The following SMAP1 variants were observed in gnomAD, a reference collection of about 807,000 sequenced individuals.
SMAP1 encodes the protein small ArfGAP 1.
Under a neutral mutation model 58.5 loss-of-function variants are expected in SMAP1, and 24 were observed. That is an observed-to-expected ratio of 0.41 (90% CI 0.30 to 0.58). SMAP1 has a LOEUF of 0.58. SMAP1 is among the 20% of genes least tolerant of loss of function. The pLI, the probability that SMAP1 is intolerant of heterozygous loss-of-function variation, is 0.29. For synonymous variants in SMAP1, 216 were observed against 196.6 expected (o/e 1.10, Z -0.82); for missense variants, 563 against 566.3 (o/e 0.99, Z 0.06).
intron 1 of SMAP1, among the ~76,000 whole-genome samples, chr6:70,687,766 A>G (rs1004574293): frequency 6.6e-6 from 1 of 152,158 alleles, no homozygotes; most frequent in Non-Finnish European, 1.5e-5. Context: ...TGTTGATACA[A>G]CCCACCAATC....
intron 1 of SMAP1, among the ~76,000 whole-genome samples, chr6:70,691,583 C>G (rs1313740691): frequency 2.6e-5 from 4 of 152,154 alleles, no homozygotes; most frequent in Non-Finnish European, 5.9e-5. Context: ...TTAACCATCT[C>G]AATTCTGTGG....
intron 3 of SMAP1, among the ~76,000 whole-genome samples, chr6:70,763,106 C>CTTT (rs35936929): frequency 1.9e-4 from 16 of 84,466 alleles, no homozygotes; most frequent in East Asian, 7.3e-4. Context: ...ACAGATATTA[C>CTTT]TTTTTTTTTT....
chr6:70,683,935 C>G (rs1043773663), intron 1 of SMAP1, among the ~76,000 whole-genome samples: 2 of 152,136 alleles, frequency 1.3e-5, no homozygotes, highest in Non-Finnish European at 2.9e-5. Flanking sequence ...TAATGTGTTA[C>G]CCTTGACCTT....
chr6:70,748,218 A>G (rs1234036172), intron 2 of SMAP1, among the ~76,000 whole-genome samples: 2 of 152,210 alleles, frequency 1.3e-5, no homozygotes, highest in Non-Finnish European at 2.9e-5. Context: ...AGTTACTGCC[A>G]TGAAGAATTT....
chr6:70,739,739 C>T (rs1031868094), intron 2 of SMAP1, among the ~76,000 whole-genome samples: 4 of 151,948 alleles, frequency 2.6e-5, no homozygotes, highest in Non-Finnish European at 5.9e-5. Context: ...TACCTAATGG[C>T]AATATTTATC....
intron 2 of SMAP1, among the ~76,000 whole-genome samples, chr6:70,753,940 G>A (rs1213717452): frequency 2.0e-5 from 3 of 151,988 alleles, no homozygotes; most frequent in African/African-American, 7.2e-5. Context: ...GGAATTTAGT[G>A]CACTTTAAAA....
intron 3 of SMAP1, among the ~76,000 whole-genome samples, chr6:70,767,336 G>T (rs1158580026): frequency 6.6e-6 from 1 of 152,042 alleles, no homozygotes; most frequent in Non-Finnish European, 1.5e-5. Context: ...ATTACCTTGG[G>T]CAGTATGGCC....
At chr6:70,702,111 CT>C (rs1275369645) in intron 1 of SMAP1, among the ~76,000 whole-genome samples, 1 of 152,112 alleles carries the variant, frequency 6.6e-6, no homozygotes, top group Non-Finnish European at 1.5e-5. Context: ...TCCGTAATGC[CT>C]TTTCCCCCAG....
intron 4 of SMAP1, among the ~76,000 whole-genome samples, chr6:70,784,122 G>A (rs1356299248): frequency 6.6e-6 from 1 of 152,224 alleles, no homozygotes; most frequent in Non-Finnish European, 1.5e-5. Flanking sequence ...AACTCTACAA[G>A]CCAGAAGAGA....
intron 7 of SMAP1, among the ~76,000 whole-genome samples, chr6:70,842,360 A>G (rs1216525690): frequency 6.6e-6 from 1 of 152,212 alleles, no homozygotes; most frequent in East Asian, 1.9e-4. Context: ...ATGCAGTTAC[A>G]TGAATATATT....
intron 2 of SMAP1, among the ~76,000 whole-genome samples, chr6:70,746,470 A>G (rs1766045450): frequency 6.6e-6 from 1 of 152,190 alleles, no homozygotes; most frequent in Admixed American, 6.5e-5. Context: ...GTGATGGATT[A>G]CGTTTATTGA....
chr6:70,784,600 G>T (rs528051390), intron 4 of SMAP1, among the ~76,000 whole-genome samples: 1 of 152,320 alleles, frequency 6.6e-6, no homozygotes, highest in Admixed American at 6.5e-5. Context: ...ATAAAGGGAT[G>T]TAGGAAGATC....
At chr6:70,713,831 A>G (rs1024667588) in intron 1 of SMAP1, among the ~76,000 whole-genome samples, 2 of 152,142 alleles carry the variant, frequency 1.3e-5, no homozygotes, top group African/African-American at 4.8e-5. Flanking sequence ...ATTGTTGAAA[A>G]TGGGGTACTG....
intron 6 of SMAP1, among the ~76,000 whole-genome samples, chr6:70,801,228 G>T (rs1249603026): frequency 6.6e-6 from 1 of 152,170 alleles, no homozygotes; most frequent in Non-Finnish European, 1.5e-5. Context: ...GCGTGAGATG[G>T]TATCTCATCG....
At chr6:70,714,925 A>G (rs1768204063) in intron 1 of SMAP1, among the ~76,000 whole-genome samples, 1 of 152,038 alleles carries the variant, frequency 6.6e-6, no homozygotes, top group Non-Finnish European at 1.5e-5. Flanking sequence ...TGCATATATA[A>G]TTCTATTCCC....
intron 6 of SMAP1, among the ~76,000 whole-genome samples, chr6:70,806,344 G>A (rs551966592): frequency 1.8e-4 from 27 of 152,310 alleles, no homozygotes; most frequent in African/African-American, 5.1e-4. Flanking sequence ...CTGGTCTGCC[G>A]GTTGCTAAGA....
At chr6:70,794,785 TTTC>T (rs1429443946) in intron 5 of SMAP1, among the ~76,000 whole-genome samples, 257 of 134,716 alleles carry the variant, frequency 1.9e-3, no homozygotes, top group Admixed American at 3.5e-3. Context: ...CACATTTTCT[TTTC>T]TTTTTTTTTT....
intron 5 of SMAP1, among the ~76,000 whole-genome samples, chr6:70,792,326 ATT>A (rs70990333): frequency 0.44 from 62,168 of 140,020 alleles, 13,323 homozygotes; most frequent in South Asian, 0.51. Context: ...CTCTTTACCT[ATT>A]TTTTTTTTTT....
chr6:70,692,844 C>T (rs1345724285), intron 1 of SMAP1, among the ~76,000 whole-genome samples: 4 of 151,870 alleles, frequency 2.6e-5, no homozygotes, highest in African/African-American at 9.7e-5. Flanking sequence ...AGTGCAGTGG[C>T]GTGATCTTGG....
Sources: gnomAD v4.1 joint callset for allele counts (sites outside exome capture counted in the v4.1 genomes callset) on GRCh38, gnomAD v4.1.1 for gene constraint, MANE v1.5 for transcripts, NCBI Gene and HGNC (gene_info 2026-07-23, HGNC 2026-07-21) for gene names.